Variants in DPF3 observed in about 807,000 individuals in gnomAD.
DPF3 encodes the protein zinc finger protein DPF3.
DPF3 carries 18 observed loss-of-function variants against 56.8 expected under a neutral mutation model. The observed-to-expected ratio is 0.32, with a 90% CI of 0.22 to 0.47. The LOEUF is 0.47. Ranked by LOEUF, DPF3 falls within the 20% of genes least tolerant of loss-of-function variation. The pLI is 1.00. For synonymous variants in DPF3, 188 were observed against 180.2 expected, an observed-to-expected ratio of 1.04 and a Z score of -0.35; for missense variants, 403 against 488.8, an observed-to-expected ratio of 0.82 and a Z score of 1.65.
rs953473371 is a variant in DPF3 at position 72,661,638 on chromosome 14, A to G, written c.871+12602T>C. ...GCCCACTTCCGCCAGCTCAGCCAGA[A>G]AGGGCCATGTTAGAACACCCGCCGT... On this transcript the variant is annotated intron_variant, in intron 8 of 10. Transcript: ENST00000556509. 8 of 985,332 alleles carry G rather than the reference A, an allele frequency of 8.1e-6. No homozygotes were observed. In the African/African-American group the frequency reaches 1.2e-4, roughly 15 times the overall value. The allele number at this position is 985,332 out of a possible 1,614,324, so 61.0% of individuals were successfully genotyped here.
chr14:72,776,119 G>A (rs1891734882), intron 1 of DPF3, among the ~76,000 whole-genome samples: 1 of 152,154 alleles, frequency 6.6e-6, no homozygotes, highest in Non-Finnish European at 1.5e-5. Flanking sequence ...AGTGTACCCT[G>A]GGTTGGATCA....
chr14:72,688,694 A>C (rs974095423), intron 7 of DPF3, among the ~76,000 whole-genome samples: 4 of 152,124 alleles, frequency 2.6e-5, no homozygotes, highest in East Asian at 1.9e-4. Flanking sequence ...GTATGTGTAC[A>C]TCTATGTGTA....
chr14:72,626,931 T>G (rs1884869805), intron 9 of DPF3, among the ~76,000 whole-genome samples: 1 of 151,990 alleles, frequency 6.6e-6, no homozygotes, highest in African/African-American at 2.4e-5. Flanking sequence ...TGAACTTTTT[T>G]TTTTTTTTGC....
chr14:72,801,019 G>A (rs1892871207), intron 1 of DPF3, among the ~76,000 whole-genome samples: 1 of 152,208 alleles, frequency 6.6e-6, no homozygotes, highest in Admixed American at 6.5e-5. Context: ...CACTCACCCT[G>A]TAGTTGTGCT....
At chr14:72,795,287 A>ATATATATATATATATATAT (rs1371528147) in intron 1 of DPF3, among the ~76,000 whole-genome samples, 2 of 124,972 alleles carry the variant, frequency 1.6e-5, no homozygotes, top group Non-Finnish European at 3.5e-5. Flanking sequence ...CAAAAAAAAA[A>ATATATATATATATATATAT]AAAAAAAAAT....
At chr14:72,661,207 C>A in intron 8 of DPF3, 5 of 985,160 alleles carry the variant, frequency 5.1e-6, no homozygotes, top group Non-Finnish European at 6.0e-6. Context: ...TGACAAGGGA[C>A]ATTTTCTACC....
At position 72,869,877 on chromosome 14, in the gene DPF3, C is replaced by CT. The variant is rs900182533; in HGVS notation, c.32+24179dup. ...CATACCCATGTTATCTTTGAGCTTG[C>CT]TTTTTTTTCCCTAGAGATGATGGGG... On this transcript the variant is annotated intron_variant, in intron 1 of 10. Transcript: ENST00000556509. 1.3e-4 allele frequency among the ~76,000 whole-genome samples: 20 copies of CT among 152,008 alleles called. No individual in the cohort carries two copies. In the South Asian group the frequency reaches 3.3e-3, roughly 25 times the overall value.
At chr14:72,756,915 A>AAAGAAAGG (rs1890849735) in intron 2 of DPF3, among the ~76,000 whole-genome samples, 1 of 139,866 alleles carries the variant, frequency 7.1e-6, no homozygotes, top group Non-Finnish European at 1.5e-5. Flanking sequence ...AAAAAGAAAG[A>AAAGAAAGG]AAGAAAGAAA....
At chr14:72,748,032 C>T (rs1890398179) in intron 3 of DPF3, among the ~76,000 whole-genome samples, 1 of 152,158 alleles carries the variant, frequency 6.6e-6, no homozygotes, top group African/African-American at 2.4e-5. Flanking sequence ...TGAAAAGATA[C>T]CCGAAAATAT....
intron 7 of DPF3, among the ~76,000 whole-genome samples, chr14:72,680,179 G>T (rs1887100030): frequency 6.6e-6 from 1 of 152,190 alleles, no homozygotes; most frequent in Admixed American, 6.5e-5. Context: ...CGGGATAAAT[G>T]GCCTTAATTC....
chr14:72,659,019 C>T (rs1300709866), intron 8 of DPF3, among the ~76,000 whole-genome samples: 2 of 151,948 alleles, frequency 1.3e-5, no homozygotes, highest in Non-Finnish European at 2.9e-5. Flanking sequence ...AAAAAAAGAT[C>T]TGGGAACCCT....
intron 2 of DPF3, among the ~76,000 whole-genome samples, chr14:72,757,361 T>G (rs1890883585): frequency 6.6e-6 from 1 of 152,144 alleles, no homozygotes; most frequent in South Asian, 2.1e-4. Context: ...CTTACTGTGA[T>G]AAAGAGATTC....
chr14:72,617,742 C>A lies in DPF3; in HGVS notation c.*1555G>T, dbSNP rs927846463. Among the ~76,000 whole-genome samples the A allele has an allele frequency of 2.6e-5, 4 of 152,160 alleles. No homozygotes were observed. The highest frequency in any genetic ancestry group is 9.7e-5 in the African/African-American group (4 of 41,434). ...CTGCCGAGGGACAGCACAAATACTG[C>A]GGCCGGGCAGAGGTGGCCCAACTAG... On this transcript the variant is annotated 3_prime_UTR_variant, in exon 11 of 11. Coordinates refer to ENST00000556509, the MANE Select transcript of DPF3 (RefSeq NM_001280542.3).
chr14:72,820,188 G>A (rs1883470959), intron 1 of DPF3, among the ~76,000 whole-genome samples: 1 of 152,120 alleles, frequency 6.6e-6, no homozygotes, highest in South Asian at 2.1e-4. Context: ...CTTTTTAAAA[G>A]TCAAGATGCA....
intron 1 of DPF3, among the ~76,000 whole-genome samples, chr14:72,885,996 T>C (rs969972320): frequency 6.6e-6 from 1 of 152,144 alleles, no homozygotes; most frequent in African/African-American, 2.4e-5. Flanking sequence ...GAATGCAGAA[T>C]GGTGGTTCCC....
In DPF3 at chr14:72,612,458, G is replaced by T. The variant is rs148158302; in HGVS notation, c.*6839C>A. On this transcript the variant is annotated 3_prime_UTR_variant, in exon 11 of 11. Transcript: ENST00000556509. ...TTTTTTTTTCTAGTACCTAATTTAGGCTTCTTCAACTACATGTTGAAAATG... is the reference window on the plus strand; with the variant it reads ...TTTTTTTTTCTAGTACCTAATTTAGTCTTCTTCAACTACATGTTGAAAATG... 410 of 517,484 alleles carry T rather than the reference G, an allele frequency of 7.9e-4. 3 individuals carry two copies. The highest frequency in any genetic ancestry group is 7.4e-3 in the African/African-American group (384 of 51,838). 32.1% of individuals were successfully genotyped at this position (517,484 alleles called of 1,614,324 possible). A position where few individuals can be genotyped will look rare whatever the true frequency, so the allele number is the denominator to read the frequency against.
chr14:72,757,576 C>G (rs560398168), intron 2 of DPF3, among the ~76,000 whole-genome samples: 44 of 151,894 alleles, frequency 2.9e-4, no homozygotes, highest in African/African-American at 9.9e-4. Context: ...TGCTCAGAAC[C>G]GGGTAACAGG....
At chr14:72,693,730 G>A (rs1887796428) in intron 6 of DPF3, among the ~76,000 whole-genome samples, 1 of 152,184 alleles carries the variant, frequency 6.6e-6, no homozygotes, top group Non-Finnish European at 1.5e-5. Context: ...ACTTGCCCAG[G>A]AGCACACAAC....
intron 4 of DPF3, among the ~76,000 whole-genome samples, chr14:72,730,881 G>T (rs1260059685): frequency 1.3e-5 from 2 of 152,112 alleles, no homozygotes; most frequent in African/African-American, 2.4e-5. Flanking sequence ...GAGATGGTAG[G>T]TGTGAAGTCA....
Sources: gnomAD v4.1 joint callset for allele counts (sites outside exome capture counted in the v4.1 genomes callset) on GRCh38, gnomAD v4.1.1 for gene constraint, MANE v1.5 for transcripts, NCBI Gene and HGNC (gene_info 2026-07-23, HGNC 2026-07-21) for gene names.